CELF2: variants seen among roughly 807,000 people sequenced by gnomAD.
CELF2 encodes CUG triplet repeat RNA-binding protein 2.
CELF2 carries 8 observed loss-of-function variants against 62.6 expected under a neutral mutation model. The observed-to-expected ratio is 0.13, with a 90% CI of 0.07 to 0.23. CELF2 has a LOEUF of 0.23. Ranked by LOEUF, CELF2 falls within the 10% of genes least tolerant of loss-of-function variation. The pLI is 1.00. For synonymous variants in CELF2, 258 were observed against 250.0 expected (o/e 1.03, Z -0.30); for missense variants, 333 against 671.0 (o/e 0.50, Z 5.56).
intron 1 of CELF2, among the ~76,000 whole-genome samples, chr10:11,037,285 C>T (rs933310342): frequency 5.3e-5 from 8 of 152,210 alleles, no homozygotes; most frequent in African/African-American, 1.4e-4. Context: ...GTCGTGAGAA[C>T]AGCGTGGGAG....
At chr10:10,791,712 G>A in the CELF2 span, among the ~76,000 whole-genome samples, 2 of 152,014 alleles carry the variant, frequency 1.3e-5, no homozygotes, top group Non-Finnish European at 2.9e-5. Flanking sequence ...GTTTTATCAC[G>A]GCTCCCCAGG....
At chr10:10,833,425 T>A (rs553883937) in intron 1 of CELF2, among the ~76,000 whole-genome samples, 4 of 152,310 alleles carry the variant, frequency 2.6e-5, no homozygotes, top group African/African-American at 9.6e-5. Flanking sequence ...ACAGAGAAGC[T>A]GTCCAATATC....
chr10:10,754,156 T>C, the CELF2 span, among the ~76,000 whole-genome samples: 5 of 150,978 alleles, frequency 3.3e-5, no homozygotes, highest in Non-Finnish European at 5.9e-5. Context: ...TTTTCTTTTT[T>C]TTTTTTGAGA....
intron 1 of CELF2, among the ~76,000 whole-genome samples, chr10:11,153,803 A>G (rs2063782448): frequency 6.6e-6 from 1 of 152,058 alleles, no homozygotes; most frequent in Non-Finnish European, 1.5e-5. Context: ...ACCTGAATGG[A>G]TTTCTTTTTG....
the CELF2 span, among the ~76,000 whole-genome samples, chr10:10,769,848 A>G: frequency 6.6e-6 from 1 of 152,260 alleles, no homozygotes; most frequent in South Asian, 2.1e-4. Flanking sequence ...AGAAAGGATC[A>G]CTTAGAATTA....
chr10:11,023,753 C>A (rs1228869858), intron 1 of CELF2, among the ~76,000 whole-genome samples: 1 of 152,168 alleles, frequency 6.6e-6, no homozygotes, highest in Non-Finnish European at 1.5e-5. Context: ...GGCTGAAATG[C>A]CTTGTGAGCG....
rs1014865964 is a variant in CELF2, at chr10:11,209,567, C to A, written c.272-7858C>A. On this transcript the variant is annotated intron_variant, in intron 2 of 12. Transcript: ENST00000633077. ...CTTCTACCACGGAAAAAGGACTACT[C>A]TTTTTTTTTTTTTTTTAAGGTTAAT... Among the ~76,000 whole-genome samples, 16 of 135,022 alleles carry A rather than the reference C, an allele frequency of 1.2e-4. 1 individual carries two copies. Among genetic ancestry groups the A allele is most frequent in the Non-Finnish European group, 3.2e-5 (2 of 62,186 alleles). 88.6% of individuals were successfully genotyped at this position (135,022 alleles called of 152,430 possible). A position where few individuals can be genotyped will look rare whatever the true frequency, so the allele number is the denominator to read the frequency against.
rs190629422 is a variant in CELF2, at chr10:11,258,103, G to A, written c.538+231G>A. On this transcript the variant is annotated intron_variant, in intron 5 of 12. Transcript: ENST00000633077. The stretch of plus-strand genomic sequence containing the variant: ...TTAGCTCAAGTTATCACTGTCAGGT[G>A]TGAAGCCAACAGGCTGCCCTACTGC... Among the ~76,000 whole-genome samples, 277 of 152,358 alleles carry A rather than the reference G, an allele frequency of 1.8e-3. 2 individuals are homozygous for A. The highest frequency in any genetic ancestry group is 3.4e-3 in the Non-Finnish European group (232 of 68,036).
chr10:11,238,889 TAAAG>T (rs2072640868), intron 3 of CELF2, among the ~76,000 whole-genome samples: 3 of 152,184 alleles, frequency 2.0e-5, no homozygotes, highest in Admixed American at 2.0e-4. Context: ...TAACATTAAA[TAAAG>T]CAAAATGAAA....
At chr10:11,087,829 C>A (rs545079442) in intron 1 of CELF2, among the ~76,000 whole-genome samples, 1 of 152,276 alleles carries the variant, frequency 6.6e-6, no homozygotes, top group African/African-American at 2.4e-5. Flanking sequence ...TTTTTACCTG[C>A]GGTGAAGTAG....
chr10:10,598,146 A>G, the CELF2 span, among the ~76,000 whole-genome samples: 2 of 152,230 alleles, frequency 1.3e-5, no homozygotes, highest in African/African-American at 4.8e-5. Context: ...AAGGACATAG[A>G]GCGCTTAGAA....
rs2052326973 is a variant in CELF2 at position 10,983,012 on chromosome 10, C to A, written c.89+63013C>A. 6.6e-6 allele frequency among the ~76,000 whole-genome samples: 1 copy of A among 152,082 alleles called. No homozygotes were observed. The highest frequency in any genetic ancestry group is 2.1e-4 in the South Asian group (1 of 4,824). ...TCAAGATATGCTGAATGAGCCCCTTCCCCCAGAAATGTTGCCATATTAATG... is the reference window on the plus strand; with the variant it reads ...TCAAGATATGCTGAATGAGCCCCTTACCCCAGAAATGTTGCCATATTAATG... On this transcript the variant is annotated intron_variant, in intron 2 of 13. Transcript: ENST00000636488. This position sits in a 1 kb window ranked among gnomAD's most constrained non-coding sequence, Gnocchi z 5.2.
At chr10:11,005,080 C>T (rs1391003922), upstream of CELF2, 1 of 985,280 alleles carries the variant, frequency 1.0e-6, no homozygotes, top group African/African-American at 1.7e-5. The surrounding 1 kb of genome is among the most constrained non-coding windows in gnomAD (Gnocchi z 4.3). Flanking sequence ...ACCAGCCAGG[C>T]TTGAGTGAAT....
intron 2 of CELF2, among the ~76,000 whole-genome samples, chr10:10,921,537 G>A (rs2064913238): frequency 6.6e-6 from 1 of 152,202 alleles, no homozygotes; most frequent in African/African-American, 2.4e-5. Context: ...CAAGGTGCTG[G>A]GATTACAGGT....
At chr10:10,706,846 G>T in the CELF2 span, among the ~76,000 whole-genome samples, 1 of 152,332 alleles carries the variant, frequency 6.6e-6, no homozygotes, top group South Asian at 2.1e-4. Context: ...ACCTTAGGCA[G>T]CTAGATTTAC....
At chr10:10,887,776 T>TTTTTTA (rs543569132) in intron 1 of CELF2, among the ~76,000 whole-genome samples, 195 of 147,066 alleles carry the variant, frequency 1.3e-3, no homozygotes, top group East Asian at 5.5e-3. Context: ...AGACTTTTAT[T>TTTTTTA]TTTTTTTTTT....
At chr10:11,086,306 C>A (rs1035085623) in intron 1 of CELF2, among the ~76,000 whole-genome samples, 3 of 151,974 alleles carry the variant, frequency 2.0e-5, no homozygotes, top group African/African-American at 7.2e-5. Context: ...CCGTATTTTT[C>A]CCTCCGCCTG....
rs748940580 is a variant in CELF2 at position 11,223,693 on chromosome 10, A to G, written c.354+6186A>G. On this transcript the variant is annotated intron_variant, in intron 3 of 12. Transcript: ENST00000633077. The surrounding 1 kb of genome is among the most constrained non-coding windows in gnomAD (Gnocchi z 5.1). ...TTCCCCCTGCAGGAGTCACAGCAGT[A>G]TGAAAGGGGTAGGGGCAGAGTGTAG... is the stretch of plus-strand genomic sequence containing the variant. Among the ~76,000 whole-genome samples, 1 of 152,184 alleles carries G rather than the reference A, an allele frequency of 6.6e-6. No homozygotes were observed. Among genetic ancestry groups the G allele is most frequent in the Non-Finnish European group, 1.5e-5 (1 of 68,026 alleles).
the CELF2 span, among the ~76,000 whole-genome samples, chr10:10,508,486 C>A: frequency 6.6e-6 from 1 of 152,286 alleles, no homozygotes; most frequent in Non-Finnish European, 1.5e-5. Flanking sequence ...CTTGAATGGC[C>A]CAAGCCATCT....
Sources: allele counts gnomAD v4.1 joint callset (sites outside exome capture counted in the v4.1 genomes callset), GRCh38; gene constraint gnomAD v4.1.1; non-coding constraint Gnocchi (gnomAD v3.1); transcripts MANE v1.5; gene names NCBI Gene and HGNC (gene_info 2026-07-23, HGNC 2026-07-21).